The following PIN4 variants were observed in gnomAD, a reference collection of about 807,000 sequenced individuals.
The protein encoded by PIN4 is peptidylprolyl cis/trans isomerase, NIMA-interacting 4, also known as peptidyl-prolyl cis-trans isomerase NIMA-interacting 4.
In PIN4, 3 loss-of-function variants were observed where a neutral mutation model predicts 8.3. That is an observed-to-expected ratio of 0.36 (90% CI 0.16 to 0.93). PIN4 has a LOEUF of 0.93. Ranked by LOEUF, PIN4 falls within the 40% of genes least tolerant of loss-of-function variation. PIN4 has a pLI of 0.44. For missense variants in PIN4, 75 were observed against 100.6 expected (o/e 0.75, Z 1.09); for synonymous variants, 18 against 32.5 (o/e 0.55, Z 1.52).
chrX:72,260,120 G>A (rs987784694), intron 3 of PIN4, among the ~76,000 whole-genome samples: 2 of 111,125 alleles, frequency 1.8e-5, no homozygotes, highest in Admixed American at 1.9e-4. Flanking sequence ...TAAGAGCCTT[G>A]TATTCCAAAG....
At chrX:72,207,651 T>C in intron 3 of PIN4, 1 of 1,209,978 alleles carries the variant, frequency 8.3e-7, no homozygotes, top group Non-Finnish European at 1.1e-6. Flanking sequence ...AAGGCACAAG[T>C]CGTATCCAAA....
intron 2 of PIN4, among the ~76,000 whole-genome samples, chrX:72,187,634 A>G (rs2042710148): frequency 9.0e-6 from 1 of 111,407 alleles, no homozygotes; most frequent in Non-Finnish European, 1.9e-5. Context: ...CCCTGTCACT[A>G]AAAAAGTAAA....
chrX:72,184,340 A>T (rs776697194), intron 1 of PIN4, among the ~76,000 whole-genome samples: 2 of 112,244 alleles, frequency 1.8e-5, no homozygotes, highest in African/African-American at 6.5e-5. Flanking sequence ...GGAATGAGAC[A>T]TGAGGAAGCT....
intron 3 of PIN4, among the ~76,000 whole-genome samples, chrX:72,215,146 G>A (rs1230159144): frequency 1.8e-5 from 2 of 112,234 alleles, no homozygotes; most frequent in African/African-American, 6.5e-5. Context: ...TAGCAACAGT[G>A]TGATTTCACT....
At chrX:72,192,270 T>A (rs2042739869) in intron 2 of PIN4, among the ~76,000 whole-genome samples, 1 of 111,704 alleles carries the variant, frequency 9.0e-6, no homozygotes, top group Admixed American at 9.5e-5. Flanking sequence ...CGTATTTACA[T>A]GTCTTCCACT....
chrX:72,196,933 C>T lies in PIN4; in HGVS notation c.237+29C>T, dbSNP rs372467115. On this transcript the variant is annotated intron_variant, in intron 3 of 3. Coordinates refer to ENST00000373669, the MANE Select transcript of PIN4 (RefSeq NM_006223.4). ...TGTTGCTCTTATTATTTATAATTTT[C>T]TCTCAAGGTAAGAAAGCAAAGTAAA... 19 of 1,115,773 alleles carry T rather than the reference C, an allele frequency of 1.7e-5. No homozygotes were observed. The African/African-American group carries it at 3.2e-4, about 19-fold the overall frequency. The allele number at this position is 1,115,773 out of a possible 1,213,427, so 92.0% of individuals were successfully genotyped here. A position where few individuals can be genotyped will look rare whatever the true frequency, so the allele number is the denominator to read the frequency against.
chrX:72,208,041 T>G (rs1311240104), intron 3 of PIN4: 1 of 1,211,675 alleles, frequency 8.3e-7, no homozygotes, highest in South Asian at 1.8e-5. Context: ...CACGAGCACA[T>G]ATTGCTGACT....
chrX:72,238,401 G>A (rs2043029625), intron 3 of PIN4, among the ~76,000 whole-genome samples: 1 of 111,405 alleles, frequency 9.0e-6, no homozygotes, highest in Admixed American at 9.6e-5. Context: ...TGCCAACACT[G>A]TGCCCTGCAC....
chrX:72,230,743 C>G (rs1365679106), intron 3 of PIN4, among the ~76,000 whole-genome samples: 1 of 111,657 alleles, frequency 9.0e-6, no homozygotes, highest in Non-Finnish European at 1.9e-5. Context: ...GTGGGCAGAT[C>G]GCTTGAGCTC....
intron 1 of PIN4, among the ~76,000 whole-genome samples, chrX:72,182,179 C>T (rs141011079): frequency 0.01 from 1,126 of 112,587 alleles, 13 homozygotes; most frequent in African/African-American, 0.035. Context: ...TGCCCACCAT[C>T]GGGGAAGGAA....
intron 3 of PIN4, among the ~76,000 whole-genome samples, chrX:72,240,705 T>C (rs3012646): frequency 0.42 from 44,608 of 106,276 alleles, 8,877 homozygotes; most frequent in East Asian, 0.98. Context: ...GAGGCTGGGG[T>C]GGAAGAATCG....
Position 72,242,908 on chromosome X carries a change from G to T in PIN4, c.313-19799G>T, listed in dbSNP as rs751718531. On this transcript the variant is annotated intron_variant, in intron 3 of 3. Transcript: ENST00000423432. Reference sequence around the variant, plus strand: ...CGTACCTGTAATCCCAGCTACTTGGGAGGCTGAGGCAGGAGAATTGCTTGA... The same window carrying T: ...CGTACCTGTAATCCCAGCTACTTGGTAGGCTGAGGCAGGAGAATTGCTTGA... Among the ~76,000 whole-genome samples the T allele has an allele frequency of 3.6e-5, 4 of 111,715 alleles. No individual in the cohort carries two copies. The East Asian group carries it at 1.1e-3, about 31-fold the overall frequency.
At position 72,198,155 on chromosome X, in the gene PIN4, C is replaced by T. The variant is rs955477282; in HGVS notation, c.*629C>T. 1.3e-6 allele frequency: 1 copy of T among 743,744 alleles called. No individual in the cohort carries two copies. Among genetic ancestry groups the T allele is most frequent in the Non-Finnish European group, 1.6e-6 (1 of 629,591 alleles). The allele number at this position is 743,744 out of a possible 1,213,427, so 61.3% of individuals were successfully genotyped here. A position where few individuals can be genotyped will look rare whatever the true frequency, so the allele number is the denominator to read the frequency against. On this transcript the variant is annotated 3_prime_UTR_variant, in exon 4 of 4. Transcript: ENST00000373669. ...GAGTGCTGGTTAAAGGGAGGGATGTCAGCATAAAAATGTCATTCCCTCATC... is the reference window on the plus strand; with the variant it reads ...GAGTGCTGGTTAAAGGGAGGGATGTTAGCATAAAAATGTCATTCCCTCATC...
chrX:72,188,961 G>A (rs1368547007), intron 2 of PIN4, among the ~76,000 whole-genome samples: 2 of 112,010 alleles, frequency 1.8e-5, no homozygotes, highest in Non-Finnish European at 3.8e-5. Context: ...TTTTTATAAA[G>A]CCTTTTATTT....
chrX:72,202,173 CCAGA>C (rs768617667), downstream of PIN4, among the ~76,000 whole-genome samples: 22 of 112,833 alleles, frequency 1.9e-4, no homozygotes, highest in Non-Finnish European at 3.9e-4. Flanking sequence ...ATTTCAGCTA[CCAGA>C]CAGAGAAAAG....
intron 3 of PIN4, among the ~76,000 whole-genome samples, chrX:72,224,669 C>T (rs546098324): frequency 3.6e-5 from 4 of 111,098 alleles, no homozygotes; most frequent in South Asian, 3.8e-4. Context: ...TGCTTGAATC[C>T]GGGAGGTGGA....
chrX:72,237,093 T>G (rs1202523003), intron 3 of PIN4, among the ~76,000 whole-genome samples: 2 of 112,418 alleles, frequency 1.8e-5, no homozygotes, highest in Non-Finnish European at 3.8e-5. Flanking sequence ...ACACATTCCC[T>G]AAGACCCAGC....
intron 3 of PIN4, among the ~76,000 whole-genome samples, chrX:72,261,115 T>A: frequency 9.1e-6 from 1 of 110,428 alleles, no homozygotes; most frequent in Non-Finnish European, 1.9e-5. Context: ...CTGGACATGG[T>A]GAAACCCTGT....
At chrX:72,252,134 C>G (rs1466841713) in intron 3 of PIN4, among the ~76,000 whole-genome samples, 1 of 109,685 alleles carries the variant, frequency 9.1e-6, no homozygotes, top group Non-Finnish European at 1.9e-5. Context: ...CTCTTGGAGT[C>G]TTTTCTTTTT....
Sources: gnomAD v4.1 joint callset for allele counts (sites outside exome capture counted in the v4.1 genomes callset) on GRCh38, gnomAD v4.1.1 for gene constraint, MANE v1.5 for transcripts, NCBI Gene and HGNC (gene_info 2026-07-23, HGNC 2026-07-21) for gene names.